ZNF544: variants seen among roughly 807,000 people sequenced by gnomAD.
ZNF544 encodes the protein zinc finger protein 544.
Under a neutral mutation model 13.5 loss-of-function variants are expected in ZNF544, and 10 were observed. The observed-to-expected ratio is 0.74, with a 90% CI of 0.46 to 1.25. The LOEUF is 1.25. Ranked by LOEUF, ZNF544 falls within the 50% of genes most tolerant of loss-of-function variation. ZNF544 has a pLI of 0.00. For synonymous variants in ZNF544, 323 were observed against 300.5 expected (o/e 1.07, Z -0.77); for missense variants, 896 against 845.6 (o/e 1.06, Z -0.74).
chr19:58,256,830 G>C (rs1357502506), intron 6 of ZNF544, among the ~76,000 whole-genome samples: 1 of 152,156 alleles, frequency 6.6e-6, no homozygotes, highest in Admixed American at 6.5e-5. Flanking sequence ...GAGTTTGTCC[G>C]GCCTTCCCAG....
chr19:58,242,118 T>C (rs2044025832), intron 3 of ZNF544: 1 of 504,028 alleles, frequency 2.0e-6, no homozygotes, highest in African/African-American at 2.1e-5. Flanking sequence ...AGCAGGAGAG[T>C]TCTCAGAAGA....
intron 5 of ZNF544, among the ~76,000 whole-genome samples, chr19:58,275,301 C>G (rs972535566): frequency 6.6e-6 from 1 of 152,208 alleles, no homozygotes. Flanking sequence ...CTTCAAGAAC[C>G]TGGACACCAA....
At chr19:58,275,734 G>A (rs2051160043) in intron 5 of ZNF544, among the ~76,000 whole-genome samples, 1 of 134,200 alleles carries the variant, frequency 7.5e-6, no homozygotes, top group Admixed American at 8.7e-5. Context: ...GCAGTGAGCT[G>A]TGATCACACC....
rs903827528 is a variant in ZNF544, at chr19:58,242,321, T to TA, written c.-59-1638dup. 94 of 971,128 alleles carry TA rather than the reference T, an allele frequency of 9.7e-5. No homozygotes were observed. In the African/African-American group the frequency reaches 1.6e-3, roughly 16 times the overall value. 60.2% of individuals were successfully genotyped at this position (971,128 alleles called of 1,614,324 possible). On this transcript the variant is annotated intron_variant, in intron 3 of 6. Coordinates refer to ENST00000687789, the MANE Select transcript of ZNF544 (RefSeq NM_014480.4). Reference sequence around the variant, plus strand: ...TTTGAAGGGAAAGGTGAGAACTGCCTAAAAAATACAGCACAGAGAAAGCAA... The same window carrying TA: ...TTTGAAGGGAAAGGTGAGAACTGCCTAAAAAAATACAGCACAGAGAAAGCAA...
At position 58,260,637 on chromosome 19, in the gene ZNF544, ACTT is replaced by A. The variant is rs545958846; in HGVS notation, c.245-210_245-208del. ...ATTTGGGGACTAGTGTTACTTAGTCACTTCTTTATTATGTTTGCTTGTATTTTG... is the reference window on the plus strand; with the variant it reads ...ATTTGGGGACTAGTGTTACTTAGTCACTTTATTATGTTTGCTTGTATTTTG... On this transcript the variant is annotated intron_variant, in intron 6 of 6. Transcript: ENST00000687789. The A allele has an allele frequency of 7.7e-4, 388 of 501,890 alleles. 8 individuals are homozygous for A. In the South Asian group the frequency reaches 0.011, roughly 14 times the overall value. The allele number at this position is 501,890 out of a possible 1,614,324, so 31.1% of individuals were successfully genotyped here.
intron 5 of ZNF544, among the ~76,000 whole-genome samples, chr19:58,273,491 C>A (rs1227206502): frequency 6.6e-6 from 1 of 151,972 alleles, no homozygotes; most frequent in East Asian, 2.0e-4. Context: ...GAGATAGAGA[C>A]CCGCCTGGCC....
intron 3 of ZNF544, among the ~76,000 whole-genome samples, chr19:58,232,757 G>A (rs374701854): frequency 0.013 from 1,674 of 132,196 alleles, 32 homozygotes; most frequent in African/African-American, 0.046. Flanking sequence ...GGGAAACCCC[G>A]TCTCTACTAA....
At chr19:58,243,312 G>A (rs1442843774) in intron 3 of ZNF544, among the ~76,000 whole-genome samples, 1 of 152,002 alleles carries the variant, frequency 6.6e-6, no homozygotes, top group Non-Finnish European at 1.5e-5. Context: ...CCGATGTGGC[G>A]ATGGGAGTCA....
At position 58,261,923 on chromosome 19, in the gene ZNF544, T is replaced by G; in HGVS notation, c.1317T>G (p.Ile439Met). 6.2e-7 allele frequency: 1 copy of G among 1,612,904 alleles called. No homozygotes were observed. The highest frequency in any genetic ancestry group is 8.5e-7 in the Non-Finnish European group (1 of 1,179,792). The change falls in exon 7 of 7, where the codon ATT (isoleucine) becomes ATG (methionine). Residue 439 changes from isoleucine to methionine, a missense_variant. Physicochemically the swap from Ile to Met is conservative, Grantham distance 10 (BLOSUM62 1). Coordinates refer to ENST00000687789, the MANE Select transcript of ZNF544 (RefSeq NM_014480.4). ...IHTGEKPYQC[I>M]ECRKSFRWNS... ...CTGGAGAAAAACCGTATCAGTGTAT[T>G]GAATGCAGAAAATCCTTCAGGTGGA...
At chr19:58,267,310 C>T (rs1227771829), downstream of ZNF544, among the ~76,000 whole-genome samples, 1 of 152,010 alleles carries the variant, frequency 6.6e-6, no homozygotes, top group East Asian at 2.0e-4. Flanking sequence ...AATCCACCCA[C>T]CTTGGCCTCC....
chr19:58,265,495 C>T (rs2049752778), downstream of ZNF544, among the ~76,000 whole-genome samples: 2 of 152,080 alleles, frequency 1.3e-5, no homozygotes, highest in Non-Finnish European at 2.9e-5. Flanking sequence ...CAAGGTTTCA[C>T]CATGTTAGCC....
intron 6 of ZNF544, chr19:58,257,282 A>T (rs1422877326): frequency 6.6e-6 from 1 of 152,190 alleles, no homozygotes; most frequent in Non-Finnish European, 1.5e-5. Flanking sequence ...AGAAGCAACA[A>T]AAGCATAGCT....
intron 6 of ZNF544, among the ~76,000 whole-genome samples, chr19:58,276,816 TTTTA>T (rs1302078294): frequency 1.3e-5 from 2 of 152,220 alleles, no homozygotes; most frequent in East Asian, 1.9e-4. Flanking sequence ...TCGAATTGGC[TTTTA>T]TTTGTGATTC....
intron 6 of ZNF544, chr19:58,257,289 A>T (rs1401077085): frequency 6.6e-6 from 1 of 152,230 alleles, no homozygotes; most frequent in African/African-American, 2.4e-5. Context: ...ACAAAAGCAT[A>T]GCTGTATTGA....
At chr19:58,273,702 A>G (rs1266271626) in intron 5 of ZNF544, among the ~76,000 whole-genome samples, 1 of 151,936 alleles carries the variant, frequency 6.6e-6, no homozygotes, top group Non-Finnish European at 1.5e-5. Context: ...AAAAAAAAAA[A>G]AAAGCCTATT....
chr19:58,230,420 C>T lies in ZNF544; in HGVS notation c.-102C>T, dbSNP rs2040958382. 1 of 152,362 alleles carries T rather than the reference C, an allele frequency of 6.6e-6. No homozygotes were observed. Among genetic ancestry groups the T allele is most frequent in the South Asian group, 2.1e-4 (1 of 4,826 alleles). The allele number at this position is 152,362 out of a possible 1,614,324, so 9.4% of individuals were successfully genotyped here. Reference sequence around the variant, plus strand: ...TGTCTACGGATGAGGAAACTGAGGCCTGGAGAGGTTAAAGAGACCCGTTCA... The same window carrying T: ...TGTCTACGGATGAGGAAACTGAGGCTTGGAGAGGTTAAAGAGACCCGTTCA... On this transcript the variant is annotated 5_prime_UTR_variant, in exon 3 of 7. Coordinates refer to ENST00000687789, the MANE Select transcript of ZNF544 (RefSeq NM_014480.4).
downstream of ZNF544, among the ~76,000 whole-genome samples, chr19:58,264,338 C>G (rs1269953275): frequency 7.2e-6 from 1 of 139,780 alleles, no homozygotes; most frequent in African/African-American, 2.7e-5. Context: ...GAACCAAGAT[C>G]AAGCCATTGT....
intron 3 of ZNF544, among the ~76,000 whole-genome samples, chr19:58,232,644 T>C (rs946047412): frequency 4.0e-5 from 6 of 151,314 alleles, no homozygotes; most frequent in African/African-American, 1.5e-4. Context: ...TAAAGACATA[T>C]CCGGGCCGGG....
chr19:58,262,150 C>A lies in ZNF544; in HGVS notation c.1544C>A (p.Thr515Asn), dbSNP rs979747229. ...CTTGTTGTACATCAGAGGACACACA[C>A]TGGAGAGAAGCCCTATGAGTGCAAC... ...YDLVVHQRTH[T>N]GEKPYECNLC... The change falls in exon 7 of 7, where the codon ACT (threonine) becomes AAT (asparagine). Residue 515 changes from threonine (T) to asparagine (N), a missense_variant. Coordinates refer to ENST00000687789, the MANE Select transcript of ZNF544 (RefSeq NM_014480.4). The A allele has an allele frequency of 6.2e-7, 1 of 1,613,816 alleles. No individual in the cohort carries two copies.
Sources: gnomAD v4.1 joint callset for allele counts (sites outside exome capture counted in the v4.1 genomes callset) on GRCh38, gnomAD v4.1.1 for gene constraint, MANE v1.5 for transcripts, NCBI Gene and HGNC (gene_info 2026-07-23, HGNC 2026-07-21) for gene names.